Variants in ABCA13 observed in about 807,000 individuals in gnomAD.
ABCA13 encodes ATP-binding cassette sub-family A member 13.
In ABCA13, 476 loss-of-function variants were observed where a neutral mutation model predicts 478.7. The ratio of observed to expected loss-of-function variants is 0.99; its 90% CI spans 0.92 to 1.07. ABCA13 has a LOEUF of 1.07. ABCA13 is among the 50% of genes least tolerant of loss of function. ABCA13 has a pLI of 0.00. For synonymous variants in ABCA13, 2,252 were observed against 2,158.9 expected, an observed-to-expected ratio of 1.04 and a Z score of -1.20; for missense variants, 6,060 against 5,910.6, an observed-to-expected ratio of 1.03 and a Z score of -0.83.
At chr7:48,410,421 T>C in intron 39 of ABCA13, 99 bp from the exon 40 acceptor site, 2 of 1,462,026 alleles carry the variant, frequency 1.4e-6, no homozygotes, top group African/African-American at 2.8e-5. Flanking sequence ...GTGAGGATCT[T>C]TAAATTGTGC....
chr7:48,629,217 C>T (rs1293480298), intron 59 of ABCA13, among the ~76,000 whole-genome samples: 6 of 152,114 alleles, frequency 3.9e-5, no homozygotes, highest in East Asian at 1.9e-4. Flanking sequence ...TGGTGTACAC[C>T]GGCTTGCCAA....
chr7:48,279,825 T>C lies in ABCA13; in HGVS notation c.8631T>C (p.Pro2877=), dbSNP rs371085921. ...ERTKKEMIDF[P]YSFKPFFCLE... ...CCAAGAAAGAGATGATTGACTTTCCTTATAGTTTCAAACCATTTTTCTGTT... is the reference window on the plus strand; with the variant it reads ...CCAAGAAAGAGATGATTGACTTTCCCTATAGTTTCAAACCATTTTTCTGTT... The change falls in exon 18 of 62, where the codon CCT becomes CCC. Residue 2877 remains proline, a synonymous_variant. Transcript: ENST00000435803. 51 of 1,590,548 alleles carry C rather than the reference T, an allele frequency of 3.2e-5. No homozygotes were observed. Among genetic ancestry groups the C allele is most frequent in the Non-Finnish European group, 4.0e-5 (47 of 1,171,896 alleles).
At chr7:48,206,281 A>G (rs1168710728) in intron 3 of ABCA13, among the ~76,000 whole-genome samples, 1 of 152,186 alleles carries the variant, frequency 6.6e-6, no homozygotes, top group African/African-American at 2.4e-5. Context: ...CCATATCTTA[A>G]CTGTACTTTA....
intron 59 of ABCA13, among the ~76,000 whole-genome samples, chr7:48,620,527 C>T (rs1027613926): frequency 6.6e-6 from 1 of 152,050 alleles, no homozygotes; most frequent in Non-Finnish European, 1.5e-5. Context: ...GCACCCTCAC[C>T]CCAATTGTGA....
intron 55 of ABCA13, among the ~76,000 whole-genome samples, chr7:48,534,122 T>G (rs1040458432): frequency 1.3e-5 from 2 of 152,166 alleles, no homozygotes; most frequent in Non-Finnish European, 2.9e-5. Context: ...GAGGATTTGT[T>G]TTAAGATTTA....
At chr7:48,445,365 A>G (rs1271837077) in intron 42 of ABCA13, among the ~76,000 whole-genome samples, 4 of 152,108 alleles carry the variant, frequency 2.6e-5, no homozygotes, top group Non-Finnish European at 5.9e-5. Flanking sequence ...CAAATATTTA[A>G]TGGTTTTTCA....
At chr7:48,394,611 C>T (rs191972773) in intron 38 of ABCA13, among the ~76,000 whole-genome samples, 234 of 152,326 alleles carry the variant, frequency 1.5e-3, no homozygotes, top group Non-Finnish European at 2.8e-3. Context: ...CCCTTGACTA[C>T]AGGGACGTAG....
At chr7:48,447,075 A>G in intron 42 of ABCA13, among the ~76,000 whole-genome samples, 1 of 152,206 alleles carries the variant, frequency 6.6e-6, no homozygotes, top group East Asian at 1.9e-4. Flanking sequence ...GGTTAATGAT[A>G]AATAGTTCCA....
chr7:48,350,651 C>T lies in ABCA13; in HGVS notation c.10213C>T (p.Leu3405=). The change falls in exon 30 of 62, where the codon CTG becomes TTG. Residue 3405 remains leucine (L), a synonymous_variant. Transcript: ENST00000435803. The stretch of plus-strand genomic sequence containing the variant: ...CTGTTCACTTTCCTCAGGAGGGCTG[C>T]TGGATGAGATGTTTAACCATGCAGG... ...TEKLQTYGGL[L]DEMFNHAGAG... is the part of the protein sequence containing the mutation. The T allele has an allele frequency of 4.3e-6, 7 of 1,612,602 alleles. No individual in the cohort carries two copies. The highest frequency in any genetic ancestry group is 5.1e-6 in the Non-Finnish European group (6 of 1,179,060).
chr7:48,622,244 A>G (rs935235508), intron 59 of ABCA13, among the ~76,000 whole-genome samples: 1 of 152,054 alleles, frequency 6.6e-6, no homozygotes, highest in African/African-American at 2.4e-5. Flanking sequence ...ACACACCCTC[A>G]AAGGATTATT....
At chr7:48,377,693 A>T (rs1813722464) in intron 35 of ABCA13, among the ~76,000 whole-genome samples, 1 of 152,216 alleles carries the variant, frequency 6.6e-6, no homozygotes, top group African/African-American at 2.4e-5. Flanking sequence ...CTTAGACTGC[A>T]TTGTCTTGGT....
At position 48,271,878 on chromosome 7, in the gene ABCA13, G is replaced by A. The variant is rs1795659325; in HGVS notation, c.2212G>A (p.Glu738Lys). Residue 738 changes from glutamate (E) to lysine (K), a missense_variant, in exon 17 of 62, where the codon GAA becomes AAA. Glu to Lys is a moderately conservative substitution (Grantham distance 56). Around this residue, in one of 3 missense-constraint regions of ABCA13, gnomAD observed 4,423 missense variants for 4,309.1 expected, o/e 1.03. Transcript: ENST00000435803. ...EQMNFLLSFV[E>K]FFEKLLLPNL... ...AATGAACTTTCTTTTATCATTTGTGGAATTTTTTGAGAAATTATTGTTGCC... is the reference window on the plus strand; with the variant it reads ...AATGAACTTTCTTTTATCATTTGTGAAATTTTTTGAGAAATTATTGTTGCC... The A allele has an allele frequency of 5.0e-6, 8 of 1,609,954 alleles. No homozygotes were observed. Among genetic ancestry groups the A allele is most frequent in the Non-Finnish European group, 5.9e-6 (7 of 1,177,864 alleles).
At chr7:48,252,367 C>A (rs1184437717) in intron 15 of ABCA13, among the ~76,000 whole-genome samples, 1 of 152,076 alleles carries the variant, frequency 6.6e-6, no homozygotes, top group East Asian at 1.9e-4. Flanking sequence ...AATGTGGATG[C>A]GTTCTGAGAA....
At chr7:48,558,796 T>C (rs1786138490) in intron 55 of ABCA13, among the ~76,000 whole-genome samples, 1 of 152,214 alleles carries the variant, frequency 6.6e-6, no homozygotes, top group South Asian at 2.1e-4. Flanking sequence ...GATCCTGCCT[T>C]AGCTCATTTG....
chr7:48,403,631 G>A, intron 38 of ABCA13, 52 bp from the exon 39 acceptor site: 2 of 1,556,434 alleles, frequency 1.3e-6, no homozygotes, highest in Middle Eastern at 1.7e-4. Flanking sequence ...GAAATTAGAA[G>A]CAAAGTTTTA....
Position 48,372,462 on chromosome 7 carries a change from C to G in ABCA13, c.11098C>G (p.His3700Asp), listed in dbSNP as rs1424773627. Residue 3700 changes from histidine (H) to aspartate (D), a missense_variant, in exon 33 of 62, where the codon CAT (histidine) becomes GAT (aspartate). Physicochemically the swap from His to Asp is moderately conservative, Grantham distance 81 (BLOSUM62 -1). This residue lies in a region of ABCA13 where 4,423 missense variants were observed against 4,309.1 expected (regional missense o/e 1.03). Coordinates refer to ENST00000435803, the MANE Select transcript of ABCA13 (RefSeq NM_152701.5). ...FLPYIVLLVL[H>D]NQLSFVNQTF... is the part of the protein sequence containing the mutation. ...GCCCTACATAGTTCTATTGGTTCTACATAACCAATTAAGTTTTGTTAATCA... is the reference window on the plus strand; with the variant it reads ...GCCCTACATAGTTCTATTGGTTCTAGATAACCAATTAAGTTTTGTTAATCA... The G allele has an allele frequency of 1.9e-6, 3 of 1,551,358 alleles. No individual in the cohort carries two copies. The highest frequency in any genetic ancestry group is 2.6e-6 in the Non-Finnish European group (3 of 1,141,780).
At chr7:48,286,192 G>A (rs1051101928) in intron 19 of ABCA13, among the ~76,000 whole-genome samples, 11 of 152,094 alleles carry the variant, frequency 7.2e-5, no homozygotes, top group African/African-American at 2.4e-4. Context: ...ATCATTCCGA[G>A]TCCACAGTTC....
Position 48,276,146 on chromosome 7 carries a change from G to C in ABCA13, c.6480G>C (p.Leu2160Phe). ...AGAGTTCAACTGAAGATATAGCTTT[G>C]TTAGCCAAAGCTATTGCTACTTTTT... The part of the protein sequence containing the change: ...TNESSTEDIA[L>F]LAKAIATFWG... The change falls in exon 17 of 62, where the codon TTG (leucine) becomes TTC (phenylalanine). Residue 2160 changes from leucine (L) to phenylalanine (F), a missense_variant. Leu to Phe is a conservative substitution (Grantham distance 22). Around this residue, in one of 3 missense-constraint regions of ABCA13, gnomAD observed 4,423 missense variants for 4,309.1 expected, o/e 1.03. Transcript: ENST00000435803. 1 of 1,596,164 alleles carries C rather than the reference G, an allele frequency of 6.3e-7. No homozygotes were observed. Among genetic ancestry groups the C allele is most frequent in the Non-Finnish European group, 8.5e-7 (1 of 1,171,152 alleles).
At chr7:48,449,884 C>T (rs558915664) in intron 42 of ABCA13, among the ~76,000 whole-genome samples, 3 of 152,334 alleles carry the variant, frequency 2.0e-5, no homozygotes, top group African/African-American at 7.2e-5. Context: ...TCTTCACACT[C>T]TGGTTACCCT....
Sources: gnomAD v4.1 joint callset for allele counts (sites outside exome capture counted in the v4.1 genomes callset) on GRCh38, gnomAD v4.1.1 for gene constraint, gnomAD v4.1.1 regional missense constraint, MANE v1.5 for transcripts, NCBI Gene and HGNC (gene_info 2026-07-23, HGNC 2026-07-21) for gene names.